NEGR1: variants seen among roughly 807,000 people sequenced by gnomAD.
The protein encoded by NEGR1 is IgLON family member 4.
NEGR1 carries 10 observed loss-of-function variants against 40.9 expected under a neutral mutation model. That is an observed-to-expected ratio of 0.24 (90% confidence interval 0.15 to 0.42). The LOEUF (loss-of-function observed/expected upper bound fraction) is 0.42. NEGR1 is among the 10% of genes least tolerant of loss of function. NEGR1 has a pLI of 1.00. For missense variants in NEGR1, 352 were observed against 438.9 expected (o/e 0.80, Z 1.77); for synonymous variants, 185 against 166.8 (o/e 1.11, Z -0.84).
At chr1:71,835,924 G>A (rs985400957) in intron 2 of NEGR1, among the ~76,000 whole-genome samples, 1 of 152,072 alleles carries the variant, frequency 6.6e-6, no homozygotes, top group African/African-American at 2.4e-5. Context: ...TATAGTATGT[G>A]TGTGTGTGCA....
intron 3 of NEGR1, among the ~76,000 whole-genome samples, chr1:71,698,912 A>G (rs992240576): frequency 6.6e-6 from 1 of 151,944 alleles, no homozygotes; most frequent in Non-Finnish European, 1.5e-5. Flanking sequence ...CCTTCTTTTA[A>G]TAATGGAATT....
chr1:72,199,818 TTAAA>T (rs2100444683), intron 1 of NEGR1, among the ~76,000 whole-genome samples: 2 of 151,908 alleles, frequency 1.3e-5, no homozygotes, highest in South Asian at 4.2e-4. Flanking sequence ...TATGAGGAAC[TTAAA>T]TAAAACAGCA....
chr1:72,154,518 A>C (rs1651288536), intron 1 of NEGR1, among the ~76,000 whole-genome samples: 1 of 151,958 alleles, frequency 6.6e-6, no homozygotes, highest in Non-Finnish European at 1.5e-5. Flanking sequence ...AATGAGAACG[A>C]TTCTAGGAAT....
chr1:71,720,271 C>G (rs114678272), intron 3 of NEGR1, among the ~76,000 whole-genome samples: 1 of 152,070 alleles, frequency 6.6e-6, no homozygotes, highest in South Asian at 2.1e-4. Context: ...TGAAACAAAT[C>G]GATTGACTCT....
chr1:71,688,384 G>GATATAAAAAAGATATATATAAT (rs71070894), intron 4 of NEGR1, among the ~76,000 whole-genome samples: 3 of 31,720 alleles, frequency 9.5e-5, no homozygotes, highest in East Asian at 6.5e-4. Flanking sequence ...ATACATAAAA[G>GATATAAAAAAGATATATATAAT]ATATATAAAA....
intron 6 of NEGR1, among the ~76,000 whole-genome samples, chr1:71,539,085 G>A (rs1647602377): frequency 6.6e-6 from 1 of 151,682 alleles, no homozygotes; most frequent in African/African-American, 2.4e-5. Flanking sequence ...CCTGGCTCCA[G>A]TACTTAGGAG....
At chr1:71,621,652 A>G (rs1042170296) in intron 4 of NEGR1, among the ~76,000 whole-genome samples, 4 of 151,886 alleles carry the variant, frequency 2.6e-5, no homozygotes, top group South Asian at 4.1e-4. Flanking sequence ...ATATGACTAC[A>G]TATGAATTCT....
intron 6 of NEGR1, among the ~76,000 whole-genome samples, chr1:71,482,312 A>G (rs898149402): frequency 3.9e-5 from 6 of 151,996 alleles, no homozygotes; most frequent in African/African-American, 1.2e-4. Context: ...AGAAACATCT[A>G]GCATGTATAG....
At chr1:72,218,707 T>G (rs1485403917) in intron 1 of NEGR1, among the ~76,000 whole-genome samples, 1 of 151,850 alleles carries the variant, frequency 6.6e-6, no homozygotes, top group African/African-American at 2.4e-5. Context: ...TTTGAAGGAT[T>G]AAGAGAATGA....
intron 6 of NEGR1, among the ~76,000 whole-genome samples, chr1:71,564,551 T>C (rs1648558437): frequency 6.6e-6 from 1 of 152,126 alleles, no homozygotes; most frequent in Non-Finnish European, 1.5e-5. Flanking sequence ...ATTTCCTCCC[T>C]GTCTCAATCT....
At position 71,865,967 on chromosome 1, in the gene NEGR1, A is replaced by T. The variant is rs138610252; in HGVS notation, c.409+69112T>A. Among the ~76,000 whole-genome samples the T allele has an allele frequency of 2.3e-3, 356 of 152,284 alleles. 1 individual carries two copies. The highest frequency in any genetic ancestry group is 8.0e-3 in the African/African-American group (334 of 41,574). Reference sequence around the variant, plus strand: ...CATGTCTTATGAATAACATTATTATAGTCCATTGTTCTTCTGTGTTGATTA... The same window carrying T: ...CATGTCTTATGAATAACATTATTATTGTCCATTGTTCTTCTGTGTTGATTA... On this transcript the variant is annotated intron_variant, in intron 2 of 6. Transcript: ENST00000357731.
chr1:71,554,201 T>C (rs942844749), intron 6 of NEGR1, among the ~76,000 whole-genome samples: 1 of 151,586 alleles, frequency 6.6e-6, no homozygotes, highest in African/African-American at 2.4e-5. Flanking sequence ...ATTTCTATTA[T>C]AGAACATTGA....
In NEGR1 at chr1:71,464,788, A is replaced by G. The variant is rs1569904987; in HGVS notation, c.941-57218T>C. ...CCTGTGTATGTTCTTGACTAGACAG[A>G]GCAATTCACACGGTGAACTGCAGCG... On this transcript the variant is annotated intron_variant, in intron 6 of 6. Transcript: ENST00000357731. Among the ~76,000 whole-genome samples, 4 of 152,132 alleles carry G rather than the reference A, an allele frequency of 2.6e-5. No individual in the cohort carries two copies. The South Asian group carries it at 8.3e-4, about 31-fold the overall frequency.
chr1:71,559,042 T>C (rs1005139400), intron 6 of NEGR1, among the ~76,000 whole-genome samples: 7 of 65,062 alleles, frequency 1.1e-4, no homozygotes, highest in African/African-American at 3.2e-4. Context: ...TATATATATA[T>C]ATACACATAT....
chr1:71,994,797 G>A (rs1046770159), intron 1 of NEGR1, among the ~76,000 whole-genome samples: 3 of 151,982 alleles, frequency 2.0e-5, no homozygotes, highest in African/African-American at 7.3e-5. Context: ...ATATTACTTT[G>A]TGAACTTCCT....
intron 2 of NEGR1, among the ~76,000 whole-genome samples, chr1:71,783,427 G>C (rs995571845): frequency 6.6e-6 from 1 of 152,050 alleles, no homozygotes; most frequent in Non-Finnish European, 1.5e-5. Context: ...ATGGTTTCAT[G>C]GTCTGCATCT....
At chr1:72,172,174 T>A (rs1651987377) in intron 1 of NEGR1, among the ~76,000 whole-genome samples, 1 of 152,130 alleles carries the variant, frequency 6.6e-6, no homozygotes, top group Non-Finnish European at 1.5e-5. Context: ...ATAAAACCAA[T>A]ATGATTGCTT....
At chr1:71,769,548 G>T (rs1656245103) in intron 3 of NEGR1, among the ~76,000 whole-genome samples, 1 of 152,180 alleles carries the variant, frequency 6.6e-6, no homozygotes, top group Admixed American at 6.5e-5. Context: ...TCATGATAGT[G>T]AGTGAGTTGT....
At chr1:72,191,693 A>G (rs558553128) in intron 1 of NEGR1, among the ~76,000 whole-genome samples, 1 of 151,872 alleles carries the variant, frequency 6.6e-6, no homozygotes, top group Non-Finnish European at 1.5e-5. Flanking sequence ...TTCACAATGC[A>G]TATCAAAGTC....
Sources: allele counts gnomAD v4.1 joint callset (sites outside exome capture counted in the v4.1 genomes callset), GRCh38; gene constraint gnomAD v4.1.1; transcripts MANE v1.5; gene names NCBI Gene and HGNC (gene_info 2026-07-23, HGNC 2026-07-21).